Variants in CNTNAP2 observed in about 807,000 individuals in gnomAD.
CNTNAP2 encodes contactin-associated protein-like 2.
CNTNAP2 carries 98 observed loss-of-function variants against 155.2 expected under a neutral mutation model. The observed-to-expected ratio is 0.63, with a 90% confidence interval of 0.54 to 0.75. The LOEUF is 0.75. CNTNAP2 is among the 30% of genes least tolerant of loss of function. The pLI is 0.00. For missense variants in CNTNAP2, 1,727 were observed against 1,688.1 expected (o/e 1.02, Z -0.40); for synonymous variants, 651 against 631.2 (o/e 1.03, Z -0.47).
intron 3 of CNTNAP2, among the ~76,000 whole-genome samples, chr7:146,859,669 A>T (rs1562976393): frequency 6.7e-6 from 1 of 150,118 alleles, no homozygotes; most frequent in Non-Finnish European, 1.5e-5. Context: ...CAAAAAAAAA[A>T]AATATATATA....
intron 9 of CNTNAP2, among the ~76,000 whole-genome samples, chr7:147,380,330 C>T (rs1347051966): frequency 6.6e-6 from 1 of 151,930 alleles, no homozygotes; most frequent in African/African-American, 2.4e-5. Context: ...TTGTAGCATT[C>T]TGCATTTACA....
At chr7:147,996,836 G>A (rs1234340920) in intron 15 of CNTNAP2, among the ~76,000 whole-genome samples, 3 of 152,144 alleles carry the variant, frequency 2.0e-5, no homozygotes, top group Non-Finnish European at 2.9e-5. Context: ...AGTCATCAAT[G>A]GTAAACATTT....
chr7:147,313,661 T>C (rs1795167640), intron 9 of CNTNAP2, among the ~76,000 whole-genome samples: 1 of 152,158 alleles, frequency 6.6e-6, no homozygotes, highest in Admixed American at 6.5e-5. Flanking sequence ...TTTTGGTTAC[T>C]GTAGCCTTGT....
chr7:147,467,038 C>T (rs1164357013), intron 10 of CNTNAP2, among the ~76,000 whole-genome samples: 2 of 152,140 alleles, frequency 1.3e-5, no homozygotes, highest in African/African-American at 4.8e-5. Flanking sequence ...CCTTATTTTT[C>T]AGAATACTGA....
chr7:147,223,739 G>A (rs944999192), intron 8 of CNTNAP2, among the ~76,000 whole-genome samples: 35 of 151,892 alleles, frequency 2.3e-4, no homozygotes, highest in African/African-American at 8.5e-4. Flanking sequence ...TCAGGAGATC[G>A]AGACCATCCT....
intron 1 of CNTNAP2, among the ~76,000 whole-genome samples, chr7:146,720,908 A>G (rs1288189485): frequency 3.5e-5 from 5 of 144,166 alleles, no homozygotes; most frequent in African/African-American, 1.3e-4. Context: ...TATTCTATAT[A>G]TATACTCTCT....
chr7:147,861,328 T>A (rs980252241), intron 13 of CNTNAP2, among the ~76,000 whole-genome samples: 1 of 152,186 alleles, frequency 6.6e-6, no homozygotes, highest in African/African-American at 2.4e-5. Flanking sequence ...ATTAGTGTAA[T>A]AGAGCTGTAG....
intron 12 of CNTNAP2, among the ~76,000 whole-genome samples, chr7:147,630,836 A>C (rs1447132797): frequency 6.6e-6 from 1 of 152,070 alleles, no homozygotes; most frequent in Non-Finnish European, 1.5e-5. Context: ...TGTAATAAAA[A>C]CCATCTATGA....
intron 1 of CNTNAP2, among the ~76,000 whole-genome samples, chr7:146,719,742 C>T (rs1235224666): frequency 6.6e-6 from 1 of 151,270 alleles, no homozygotes; most frequent in Non-Finnish European, 1.5e-5. Context: ...TTGATGTTAT[C>T]CTCTCTGTGT....
At chr7:146,489,645 C>T (rs1159389187) in intron 1 of CNTNAP2, among the ~76,000 whole-genome samples, 1 of 152,152 alleles carries the variant, frequency 6.6e-6, no homozygotes, top group African/African-American at 2.4e-5. Flanking sequence ...GCGTGTGCTA[C>T]AGCTTGTACC....
chr7:147,434,590 T>C (rs1797520822), intron 10 of CNTNAP2, among the ~76,000 whole-genome samples: 1 of 152,236 alleles, frequency 6.6e-6, no homozygotes. Flanking sequence ...TTTAAACAAA[T>C]ACAATTAAGG....
chr7:146,376,514 CT>C (rs1196950226), intron 1 of CNTNAP2, among the ~76,000 whole-genome samples: 1 of 152,076 alleles, frequency 6.6e-6, no homozygotes, highest in African/African-American at 2.4e-5. Context: ...GGCTTTCTAC[CT>C]ATCAAAACTT....
chr7:148,412,014 G>A (rs2116721067), intron 23 of CNTNAP2, among the ~76,000 whole-genome samples: 1 of 152,130 alleles, frequency 6.6e-6, no homozygotes, highest in East Asian at 1.9e-4. Context: ...CGCGATCTCG[G>A]CTCATGCAAC....
In CNTNAP2 at chr7:147,280,224, G is replaced by T. The variant is rs965547492; in HGVS notation, c.1349-19917G>T. ...TAGTGACCAATTTCTGTTTGCTTGA[G>T]TTCCCTTTGAGAACGGGCTGGGAAT... On this transcript the variant is annotated intron_variant, in intron 8 of 23. Transcript: ENST00000361727. Among the ~76,000 whole-genome samples, 4 of 151,900 alleles carry T rather than the reference G, an allele frequency of 2.6e-5. No homozygotes were observed. In the South Asian group the frequency reaches 8.3e-4, roughly 31 times the overall value.
intron 10 of CNTNAP2, among the ~76,000 whole-genome samples, chr7:147,452,406 T>A (rs376185221): frequency 5.3e-5 from 8 of 152,204 alleles, no homozygotes; most frequent in African/African-American, 1.7e-4. Flanking sequence ...ATGCTTGTTT[T>A]ATAGATGAGA....
chr7:146,196,383 A>G (rs1341855878), intron 1 of CNTNAP2, among the ~76,000 whole-genome samples: 1 of 152,204 alleles, frequency 6.6e-6, no homozygotes, highest in Non-Finnish European at 1.5e-5. Context: ...ATGTATACCA[A>G]TAACTACAAT....
chr7:146,669,113 G>A lies in CNTNAP2; in HGVS notation c.98-105158G>A, dbSNP rs565793951. ...ATTCAGGAAAACTTAAGAAACGTAA[G>A]GGTTAATTATGCCACTAATTAAAAA... is the stretch of plus-strand genomic sequence containing the variant. On this transcript the variant is annotated intron_variant, in intron 1 of 23. Transcript: ENST00000361727. Among the ~76,000 whole-genome samples, 7 of 152,182 alleles carry A rather than the reference G, an allele frequency of 4.6e-5. No homozygotes were observed. The East Asian group carries it at 9.7e-4, about 21-fold the overall frequency.
intron 9 of CNTNAP2, among the ~76,000 whole-genome samples, chr7:147,375,368 A>G (rs751960383): frequency 4.6e-5 from 7 of 152,076 alleles, no homozygotes; most frequent in Non-Finnish European, 8.8e-5. Context: ...ACTGCAAATT[A>G]CTGTCTGTTT....
chr7:148,196,706 C>T (rs1390204862), intron 18 of CNTNAP2, among the ~76,000 whole-genome samples: 1 of 152,176 alleles, frequency 6.6e-6, no homozygotes, highest in Non-Finnish European at 1.5e-5. Flanking sequence ...TTTGGCAGAG[C>T]AAGGATTTGA....
Sources: gnomAD v4.1 joint callset for allele counts (sites outside exome capture counted in the v4.1 genomes callset) on GRCh38, gnomAD v4.1.1 for gene constraint, MANE v1.5 for transcripts, NCBI Gene and HGNC (gene_info 2026-07-23, HGNC 2026-07-21) for gene names.